Variants in SLC39A10 observed in about 807,000 individuals in gnomAD.
SLC39A10 encodes the protein zinc transporter ZIP10.
Under a neutral mutation model 65.1 loss-of-function variants are expected in SLC39A10, and 13 were observed. The ratio of observed to expected loss-of-function variants is 0.20; its 90% CI spans 0.13 to 0.32. The LOEUF (loss-of-function observed/expected upper bound fraction) is 0.32. Among genes scored for constraint, SLC39A10 ranks in the 10% least tolerant of loss-of-function variants. The probability of loss-of-function intolerance (pLI) is 1.00; values close to 1 mark genes in which losing one functional copy is unlikely to be tolerated. For synonymous variants in SLC39A10, 321 were observed against 342.2 expected (o/e 0.94, Z 0.68); for missense variants, 831 against 1,018.4 (o/e 0.82, Z 2.50).
intron 7 of SLC39A10, chr2:195,717,321 C>G (rs1401998009): frequency 4.8e-6 from 1 of 207,188 alleles, no homozygotes; most frequent in African/African-American, 2.3e-5. Context: ...TAAAAGAGAA[C>G]AGTTTAATTT....
intron 3 of SLC39A10, among the ~76,000 whole-genome samples, chr2:195,687,627 A>T (rs992689911): frequency 2.6e-5 from 4 of 152,234 alleles, no homozygotes; most frequent in Non-Finnish European, 5.9e-5. Context: ...GTGCTGATAG[A>T]TGCTAATAAT....
In SLC39A10 at chr2:195,725,141, A is replaced by C. The variant is rs112240261; in HGVS notation, c.2147-3018A>C. Reference sequence around the variant, plus strand: ...ATATCTCACTATAGAAAAAACAATGAACTCAAAGTAGGTAATCTAAATGGA... The same window carrying C: ...ATATCTCACTATAGAAAAAACAATGCACTCAAAGTAGGTAATCTAAATGGA... On this transcript the variant is annotated intron_variant, in intron 8 of 9. Coordinates refer to ENST00000359634, the MANE Select transcript of SLC39A10 (RefSeq NM_020342.3). Among the ~76,000 whole-genome samples the C allele has an allele frequency of 3.6e-3, 555 of 152,268 alleles. 5 individuals carry two copies. The highest frequency in any genetic ancestry group is 6.8e-3 in the Middle Eastern group (2 of 294).
At chr2:195,712,938 C>T (rs1372152797) in intron 5 of SLC39A10, among the ~76,000 whole-genome samples, 2 of 152,008 alleles carry the variant, frequency 1.3e-5, no homozygotes, top group Admixed American at 1.3e-4. Flanking sequence ...GATGAGTATT[C>T]TTATATTCAA....
chr2:195,695,562 T>G (rs1690920673), intron 3 of SLC39A10, among the ~76,000 whole-genome samples: 1 of 152,094 alleles, frequency 6.6e-6, no homozygotes, highest in Non-Finnish European at 1.5e-5. Context: ...GACTCACAGT[T>G]TTTTTGGTGT....
Position 195,708,650 on chromosome 2 carries a change from T to G in SLC39A10, c.1387-6T>G, listed in dbSNP as rs2105813885. The G allele has an allele frequency of 6.5e-7, 1 of 1,544,414 alleles. No individual in the cohort carries two copies. On this transcript the variant is annotated splice_polypyrimidine_tract_variant and splice_region_variant and intron_variant, in intron 4 of 9. Transcript: ENST00000359634. ...GTTTAGAAGTTTTATTTGTTCTTAT[T>G]AATAGTCTCAGGGTGGACATGATCA...
chr2:195,647,426 C>T (rs953525168), intron 2 of SLC39A10, among the ~76,000 whole-genome samples: 1 of 151,958 alleles, frequency 6.6e-6, no homozygotes, highest in African/African-American at 2.4e-5. Flanking sequence ...CCCAACTCCC[C>T]ATGCCCAAAA....
intron 2 of SLC39A10, among the ~76,000 whole-genome samples, chr2:195,636,574 A>ACCC (rs1215591816): frequency 6.6e-6 from 1 of 151,874 alleles, no homozygotes; most frequent in East Asian, 1.9e-4. Context: ...ACACGGTGAA[A>ACCC]CCCAGTCTCT....
chr2:195,681,480 A>G (rs1356726451), intron 2 of SLC39A10, among the ~76,000 whole-genome samples: 1 of 152,142 alleles, frequency 6.6e-6, no homozygotes, highest in African/African-American at 2.4e-5. Context: ...AGCCGAGATC[A>G]TGCCACTGCA....
chr2:195,727,024 CTAT>C (rs1692266213), intron 8 of SLC39A10, among the ~76,000 whole-genome samples: 1 of 152,122 alleles, frequency 6.6e-6, no homozygotes, highest in Non-Finnish European at 1.5e-5. Flanking sequence ...AGCTTCAATA[CTAT>C]TATTATCTCT....
rs1367565367 is a variant in SLC39A10, at chr2:195,735,944, C to CCAA, written c.*905_*907dup. On this transcript the variant is annotated 3_prime_UTR_variant, in exon 10 of 10. Coordinates refer to ENST00000359634, the MANE Select transcript of SLC39A10 (RefSeq NM_020342.3). ...AGTTGATTTTCCTATTTTAACAGTA[C>CCAA]CAACTAGTTAATTGGGAAATGTAAG... 6.6e-6 allele frequency: 1 copy of CCAA among 151,686 alleles called. No homozygotes were observed. Among genetic ancestry groups the CCAA allele is most frequent in the Non-Finnish European group, 1.5e-5 (1 of 67,958 alleles). The allele number at this position is 151,686 out of a possible 1,614,324, so 9.4% of individuals were successfully genotyped here.
intron 1 of SLC39A10, among the ~76,000 whole-genome samples, chr2:195,662,250 AT>A (rs1689434424): frequency 6.6e-6 from 1 of 151,190 alleles, no homozygotes. Context: ...AACATCAGAG[AT>A]ATGTATCCTA....
chr2:195,651,179 T>TC lies in SLC39A10; in HGVS notation c.-11-28853_-11-28852insC, dbSNP rs1689023439. On this transcript the variant is annotated intron_variant, in intron 2 of 2. Coordinates refer to the SLC39A10 transcript ENST00000458054. ...AAGGCCCATTTATCCTACCTTAGTC[T>TC]TTAGAGCTTGCCAAAAATGAGATGG... 9.2e-5 allele frequency among the ~76,000 whole-genome samples: 14 copies of TC among 152,218 alleles called. No individual in the cohort carries two copies. The South Asian group carries it at 2.9e-3, about 32-fold the overall frequency.
rs1432400219 is a variant in SLC39A10 at position 195,735,161 on chromosome 2, A to G, written c.*120A>G. 2.8e-6 allele frequency: 3 copies of G among 1,089,472 alleles called. No homozygotes were observed. Among genetic ancestry groups the G allele is most frequent in the East Asian group, 5.4e-5 (2 of 36,778 alleles). 67.5% of individuals were successfully genotyped at this position (1,089,472 alleles called of 1,614,324 possible). The stretch of plus-strand genomic sequence containing the variant: ...GTGGCTTGCACTACTTACAAGTTTC[A>G]TAGATTTGAGCCTAACCACAAGAGG... On this transcript the variant is annotated 3_prime_UTR_variant, in exon 10 of 10. Transcript: ENST00000359634.
At chr2:195,616,835 C>A (rs955201609) in intron 2 of SLC39A10, among the ~76,000 whole-genome samples, 4 of 152,100 alleles carry the variant, frequency 2.6e-5, no homozygotes, top group African/African-American at 9.7e-5. Context: ...AATCTCCTGA[C>A]CTCGTGATCC....
At chr2:195,687,979 A>G (rs1690591216) in intron 3 of SLC39A10, among the ~76,000 whole-genome samples, 1 of 152,218 alleles carries the variant, frequency 6.6e-6, no homozygotes, top group Non-Finnish European at 1.5e-5. Context: ...GTTTCCACAG[A>G]TGAGCGCTTC....
chr2:195,640,090 C>G lies in SLC39A10; in HGVS notation c.-12+33857C>G, dbSNP rs575921035. Among the ~76,000 whole-genome samples the G allele has an allele frequency of 1.4e-3, 219 of 152,286 alleles. 1 individual carries two copies. The highest frequency in any genetic ancestry group is 5.2e-3 in the African/African-American group (214 of 41,552). On this transcript the variant is annotated intron_variant, in intron 2 of 2. Transcript: ENST00000458054. ...GCTGTTTCAATTGGCTCCTGTGACT[C>G]TTTCACATACCCTCATTCAATGATG... is the stretch of plus-strand genomic sequence containing the variant.
At position 195,716,856 on chromosome 2, in the gene SLC39A10, A is replaced by G. The variant is rs1361769534; in HGVS notation, c.1916A>G (p.His639Arg). The G allele has an allele frequency of 1.9e-6, 3 of 1,614,218 alleles. No homozygotes were observed. Among genetic ancestry groups the G allele is most frequent in the South Asian group, 1.1e-5 (1 of 91,086 alleles). ...HGENKTVLRKHNHQWHHKHSH... is the reference protein window; with the variant it reads ...HGENKTVLRKRNHQWHHKHSH... ...GAGAACAAAACTGTGCTGAGGAAGCATAATCACCAGTGGCACCACAAGCAT... is the reference window on the plus strand; with the variant it reads ...GAGAACAAAACTGTGCTGAGGAAGCGTAATCACCAGTGGCACCACAAGCAT... Residue 639 changes from histidine to arginine, a missense_variant, in exon 7 of 10, where the codon CAT (histidine) becomes CGT (arginine). By Grantham distance (29) the His-to-Arg change is conservative. Around this residue, in one of 4 missense-constraint regions of SLC39A10, gnomAD observed 230 missense variants for 242.9 expected, o/e 0.95. Transcript: ENST00000359634.
chr2:195,706,785 T>C lies in SLC39A10; in HGVS notation c.1386T>C (p.His462=). ...ACGCCCTTCTTCATCTACTGCCCCA[T>C]GTAAGAAATGTTTTTAATGTTTTTA... ...SGDALLHLLP[H]SQGGHDHSHQ... is the part of the protein sequence containing the mutation. Residue 462 remains histidine, a splice_region_variant and synonymous_variant, in exon 4 of 10, where the codon CAT becomes CAC. Coordinates refer to ENST00000359634, the MANE Select transcript of SLC39A10 (RefSeq NM_020342.3). 2.0e-6 allele frequency: 3 copies of C among 1,497,664 alleles called. No homozygotes were observed. The highest frequency in any genetic ancestry group is 2.7e-6 in the Non-Finnish European group (3 of 1,128,546). The allele number at this position is 1,497,664 out of a possible 1,614,324, so 92.8% of individuals were successfully genotyped here.
chr2:195,717,467 A>G (rs1691862605), intron 7 of SLC39A10: 1 of 153,476 alleles, frequency 6.5e-6, no homozygotes, highest in African/African-American at 2.4e-5. Flanking sequence ...GTTAAAAGGA[A>G]CATTAAATGT....
Sources: allele counts gnomAD v4.1 joint callset (sites outside exome capture counted in the v4.1 genomes callset), GRCh38; gene constraint gnomAD v4.1.1; regional missense constraint gnomAD v4.1.1; transcripts MANE v1.5; gene names NCBI Gene and HGNC (gene_info 2026-07-23, HGNC 2026-07-21).